DGKB: variants seen among roughly 807,000 people sequenced by gnomAD.
DGKB encodes the protein diacylglycerol kinase beta.
A neutral mutation model predicts 114.3 loss-of-function variants in DGKB; 67 were observed. The observed-to-expected ratio is 0.59, with a 90% CI of 0.48 to 0.72. The LOEUF is 0.72. DGKB is among the 30% of genes least tolerant of loss of function. The pLI is 0.00. For synonymous variants in DGKB, 398 were observed against 323.1 expected, an observed-to-expected ratio of 1.23 and a Z score of -2.49; for missense variants, 907 against 975.2, an observed-to-expected ratio of 0.93 and a Z score of 0.93.
At chr7:14,198,739 G>A (rs898573631) in intron 23 of DGKB, among the ~76,000 whole-genome samples, 3 of 151,976 alleles carry the variant, frequency 2.0e-5, no homozygotes, top group African/African-American at 7.2e-5. Flanking sequence ...TGGCCACAGT[G>A]TATCCTAGAT....
chr7:14,275,901 G>A (rs1798920843), intron 23 of DGKB, among the ~76,000 whole-genome samples: 1 of 152,152 alleles, frequency 6.6e-6, no homozygotes, highest in African/African-American at 2.4e-5. Flanking sequence ...TACAGTAGGT[G>A]AGCGTTTAAT....
intron 20 of DGKB, among the ~76,000 whole-genome samples, chr7:14,554,564 A>T (rs1229732655): frequency 6.6e-6 from 1 of 152,148 alleles, no homozygotes; most frequent in East Asian, 1.9e-4. Context: ...GCACATTTTT[A>T]AATTTTAATA....
chr7:14,896,362 AAT>A (rs1241843639), intron 1 of DGKB, among the ~76,000 whole-genome samples: 4 of 151,710 alleles, frequency 2.6e-5, no homozygotes, highest in African/African-American at 7.2e-5. Flanking sequence ...TATCTATGTT[AAT>A]AGTTACCTCT....
chr7:14,855,377 T>G (rs1436529154), intron 1 of DGKB, among the ~76,000 whole-genome samples: 1 of 152,184 alleles, frequency 6.6e-6, no homozygotes, highest in East Asian at 1.9e-4. Flanking sequence ...AATCTTGAGG[T>G]ATTTATTATA....
chr7:14,413,941 G>C (rs1451383948), intron 21 of DGKB, among the ~76,000 whole-genome samples: 1 of 152,182 alleles, frequency 6.6e-6, no homozygotes, highest in African/African-American at 2.4e-5. Context: ...AGCACATTAA[G>C]AGTAGAGATT....
At chr7:14,823,435 T>C (rs992884479) in intron 2 of DGKB, among the ~76,000 whole-genome samples, 1 of 152,126 alleles carries the variant, frequency 6.6e-6, no homozygotes, top group Non-Finnish European at 1.5e-5. Flanking sequence ...TTGTAACATA[T>C]TATTCAAGGT....
chr7:14,359,824 G>C (rs193140507), intron 21 of DGKB, among the ~76,000 whole-genome samples: 72 of 152,278 alleles, frequency 4.7e-4, no homozygotes, highest in African/African-American at 1.6e-3. Context: ...ACAGATGCTG[G>C]AGAGGACGTG....
At chr7:14,556,856 A>T (rs903888705) in intron 20 of DGKB, among the ~76,000 whole-genome samples, 1 of 152,204 alleles carries the variant, frequency 6.6e-6, no homozygotes, top group Non-Finnish European at 1.5e-5. Flanking sequence ...TGAATTGGAG[A>T]AACTTTCCCT....
chr7:14,773,810 A>C (rs2128475832), intron 2 of DGKB, among the ~76,000 whole-genome samples: 1 of 152,250 alleles, frequency 6.6e-6, no homozygotes, highest in Non-Finnish European at 1.5e-5. Context: ...TACTTGGCCT[A>C]CATTTTGTGG....
At chr7:14,623,743 T>C (rs1176831378) in intron 14 of DGKB, among the ~76,000 whole-genome samples, 1 of 152,102 alleles carries the variant, frequency 6.6e-6, no homozygotes, top group Admixed American at 6.5e-5. Flanking sequence ...CTGGCAAAAA[T>C]ATTGATTTTT....
intron 1 of DGKB, among the ~76,000 whole-genome samples, chr7:14,952,198 T>G (rs926305084): frequency 1.3e-5 from 2 of 152,040 alleles, no homozygotes; most frequent in Non-Finnish European, 2.9e-5. Context: ...GAGAGAGACC[T>G]GGAACAGATT....
chr7:14,369,987 T>C (rs1054652291), intron 21 of DGKB, among the ~76,000 whole-genome samples: 2 of 152,222 alleles, frequency 1.3e-5, no homozygotes, highest in Non-Finnish European at 2.9e-5. Flanking sequence ...TCTGTTGCCA[T>C]TGCTTTTGGT....
At chr7:14,698,201 T>C (rs749578050) in intron 7 of DGKB, 32 bp from the exon 8 acceptor site, 25 of 1,315,820 alleles carry the variant, frequency 1.9e-5, no homozygotes, top group African/African-American at 1.7e-4. Context: ...AAAATATGAA[T>C]ACAAGATCTT....
chr7:14,762,007 G>A (rs6952066), intron 2 of DGKB, among the ~76,000 whole-genome samples: 54,088 of 151,924 alleles, frequency 0.36, 13,358 homozygotes, highest in African/African-American at 0.69. Context: ...TGGCTTGACT[G>A]GCAGGGCAGG....
chr7:14,352,784 G>A (rs1433923179), intron 21 of DGKB, among the ~76,000 whole-genome samples: 7 of 151,938 alleles, frequency 4.6e-5, no homozygotes, highest in Non-Finnish European at 8.8e-5. Flanking sequence ...TTAGCCCAGC[G>A]TGGTGGCGCG....
chr7:14,769,125 G>GAAAGAAAGAAAGAAAGAA (rs879425687), intron 2 of DGKB, among the ~76,000 whole-genome samples: 1 of 83,800 alleles, frequency 1.2e-5, no homozygotes, highest in Non-Finnish European at 2.1e-5. Context: ...AAGAAAGAAA[G>GAAAGAAAGAAAGAAAGAA]AGAGAGAGAG....
At chr7:14,357,018 A>G (rs918028120) in intron 21 of DGKB, among the ~76,000 whole-genome samples, 6 of 152,148 alleles carry the variant, frequency 3.9e-5, no homozygotes, top group Admixed American at 3.3e-4. Context: ...ACTTCCAACT[A>G]TGTGGTCAAT....
intron 10 of DGKB, among the ~76,000 whole-genome samples, chr7:14,683,248 A>G (rs1432471744): frequency 6.6e-6 from 1 of 152,170 alleles, no homozygotes; most frequent in African/African-American, 2.4e-5. Flanking sequence ...GGGTATGGGA[A>G]TAAAAGCCCA....
intron 13 of DGKB, among the ~76,000 whole-genome samples, chr7:14,657,436 G>T (rs748016015): frequency 1.2e-4 from 18 of 151,924 alleles, no homozygotes; most frequent in Admixed American, 2.0e-4. Flanking sequence ...TTAATTAAAT[G>T]AATATTAAGT....
Sources: allele counts gnomAD v4.1 joint callset (sites outside exome capture counted in the v4.1 genomes callset), GRCh38; gene constraint gnomAD v4.1.1; transcripts MANE v1.5; gene names NCBI Gene and HGNC (gene_info 2026-07-23, HGNC 2026-07-21).